AAK1: variants seen among roughly 807,000 people sequenced by gnomAD.
The protein encoded by AAK1 is AP2 associated kinase 1.
Under a neutral mutation model 116.0 loss-of-function variants are expected in AAK1, and 37 were observed. The ratio of observed to expected loss-of-function variants is 0.32; its 90% CI spans 0.25 to 0.42. The LOEUF is 0.42. Ranked by LOEUF, AAK1 falls within the 10% of genes least tolerant of loss-of-function variation. AAK1 has a pLI of 1.00. For synonymous variants in AAK1, 458 were observed against 439.9 expected, an observed-to-expected ratio of 1.04 and a Z score of -0.51; for missense variants, 919 against 1,170.6, an observed-to-expected ratio of 0.79 and a Z score of 3.14.
chr2:69,482,566 T>C (rs1266824666), intron 18 of AAK1, 145 bp downstream of exon 18: 1 of 754,036 alleles, frequency 1.3e-6, no homozygotes, highest in Non-Finnish European at 2.4e-6. Context: ...AACACTTCAT[T>C]TGGAGTGATA....
chr2:69,549,670 A>T (rs1280420657), intron 3 of AAK1, among the ~76,000 whole-genome samples: 4 of 152,242 alleles, frequency 2.6e-5, no homozygotes, highest in Non-Finnish European at 4.4e-5. Flanking sequence ...TGGCACCCAC[A>T]TCATACTATA....
chr2:69,558,496 C>T (rs151016258), intron 2 of AAK1, among the ~76,000 whole-genome samples: 188 of 152,282 alleles, frequency 1.2e-3, no homozygotes, highest in East Asian at 2.9e-3. Flanking sequence ...AGGAGTTAGA[C>T]AAAGTGAGGC....
chr2:69,599,804 G>T (rs1673479221), intron 2 of AAK1, among the ~76,000 whole-genome samples: 2 of 152,074 alleles, frequency 1.3e-5, no homozygotes, highest in Non-Finnish European at 2.9e-5. Context: ...TTGAAACGGG[G>T]TCTCACTCTG....
chr2:69,474,738 C>T lies in AAK1; in HGVS notation c.*1131G>A. The T allele has an allele frequency of 2.0e-6, 2 of 985,654 alleles. No individual in the cohort carries two copies. Among genetic ancestry groups the T allele is most frequent in the Non-Finnish European group, 1.2e-6 (1 of 829,896 alleles). 61.1% of individuals were successfully genotyped at this position (985,654 alleles called of 1,614,324 possible). On this transcript the variant is annotated 3_prime_UTR_variant, in exon 22 of 22. Coordinates refer to ENST00000409085, the MANE Select transcript of AAK1 (RefSeq NM_014911.5). ...GAGGACCTGCTGAAAGCTTATAGCACACAAGTCTATTCAAAATGATTCCAT... is the reference window on the plus strand; with the variant it reads ...GAGGACCTGCTGAAAGCTTATAGCATACAAGTCTATTCAAAATGATTCCAT...
At chr2:69,517,757 G>A (rs112910432) in intron 12 of AAK1, among the ~76,000 whole-genome samples, 12 of 108,178 alleles carry the variant, frequency 1.1e-4, no homozygotes, top group African/African-American at 3.6e-4. Context: ...CAGTTTCTCC[G>A]AAAAATTAAA....
intron 10 of AAK1, among the ~76,000 whole-genome samples, chr2:69,523,257 C>CT (rs1669868174): frequency 1.3e-5 from 2 of 152,160 alleles, no homozygotes; most frequent in Admixed American, 1.3e-4. Context: ...GCACAAAGGA[C>CT]TAAGCTACTT....
At chr2:69,479,098 G>T in intron 19 of AAK1, 37 bp from the exon 20 acceptor site, 4 of 1,317,084 alleles carry the variant, frequency 3.0e-6, no homozygotes, top group South Asian at 1.2e-5. Context: ...GTCAGTGATG[G>T]CATTAAGTGG....
chr2:69,523,610 G>A (rs1669884858), intron 10 of AAK1, among the ~76,000 whole-genome samples: 1 of 152,224 alleles, frequency 6.6e-6, no homozygotes, highest in African/African-American at 2.4e-5. Flanking sequence ...GCTACCTCTA[G>A]AATCTGCCAT....
chr2:69,605,110 G>A (rs1673743014), intron 2 of AAK1, among the ~76,000 whole-genome samples: 1 of 152,110 alleles, frequency 6.6e-6, no homozygotes, highest in African/African-American at 2.4e-5. Context: ...ACTCTTCCCT[G>A]GAGTCAGCCC....
intron 20 of AAK1, 62 bp from the exon 21 acceptor site, chr2:69,477,052 A>G (rs1486313139): frequency 8.9e-7 from 1 of 1,119,078 alleles, no homozygotes. Flanking sequence ...CAAATGAGAG[A>G]ATGTGAAAGA....
intron 16 of AAK1, among the ~76,000 whole-genome samples, chr2:69,503,982 A>G (rs544210604): frequency 3.5e-4 from 52 of 147,890 alleles, no homozygotes; most frequent in African/African-American, 1.3e-3. Context: ...CCCGGCAACA[A>G]GAGCGAAATT....
intron 16 of AAK1, among the ~76,000 whole-genome samples, chr2:69,502,997 G>A (rs192316237): frequency 6.6e-6 from 1 of 152,234 alleles, no homozygotes; most frequent in Non-Finnish European, 1.5e-5. Flanking sequence ...TTATTGACGT[G>A]GAAACTGCTA....
Position 69,507,555 on chromosome 2 carries a change from C to G in AAK1, c.2030G>C (p.Gly677Ala), listed in dbSNP as rs1208105303. 6.2e-7 allele frequency: 1 copy of G among 1,611,318 alleles called. No individual in the cohort carries two copies. Among genetic ancestry groups the G allele is most frequent in the Non-Finnish European group, 8.5e-7 (1 of 1,178,742 alleles). Residue 677 changes from glycine (G) to alanine (A), a missense_variant, in exon 15 of 22, where the codon GGC becomes GCC. Gly to Ala is a moderately conservative substitution (Grantham distance 60). This residue lies in a region of AAK1 where 125 missense variants were observed against 184.1 expected (regional missense o/e 0.68). Transcript: ENST00000409085. ...KSKSATTTPSGSPRTSQQNVY... is the reference protein window; with the variant it reads ...KSKSATTTPSASPRTSQQNVY... ...GTTTTGTTGAGAGGTCCGAGGAGAG[C>G]CTGATGGAGTGGTGGTTGCAGACCT...
At chr2:69,587,656 G>A (rs1672849787) in intron 2 of AAK1, among the ~76,000 whole-genome samples, 1 of 151,770 alleles carries the variant, frequency 6.6e-6, no homozygotes, top group Non-Finnish European at 1.5e-5. Flanking sequence ...AGTAGAGACT[G>A]GGTTTCGCCA....
intron 2 of AAK1, chr2:69,598,186 C>G (rs1395264127): frequency 4.8e-6 from 4 of 826,672 alleles, no homozygotes; most frequent in East Asian, 6.1e-5. Context: ...TGAATACAGA[C>G]ACTGATGTTT....
At chr2:69,493,609 G>A (rs1675627266) in intron 17 of AAK1, among the ~76,000 whole-genome samples, 1 of 152,166 alleles carries the variant, frequency 6.6e-6, no homozygotes, top group Non-Finnish European at 1.5e-5. Flanking sequence ...CAGTGTCGTT[G>A]GCACAGCTGA....
At chr2:69,558,207 G>A (rs2105088195) in intron 2 of AAK1, among the ~76,000 whole-genome samples, 1 of 152,190 alleles carries the variant, frequency 6.6e-6, no homozygotes, top group East Asian at 1.9e-4. Context: ...GCGAGGCATG[G>A]TGGGCGCACA....
intron 2 of AAK1, among the ~76,000 whole-genome samples, chr2:69,634,454 C>T (rs952440968): frequency 6.6e-6 from 1 of 152,234 alleles, no homozygotes; most frequent in Non-Finnish European, 1.5e-5. Flanking sequence ...ATAAGAGCAG[C>T]TTGTCCTGCC....
Position 69,465,789 on chromosome 2 carries a change from G to T in AAK1, c.*10080C>A. 7.7e-7 allele frequency: 1 copy of T among 1,290,886 alleles called. No individual in the cohort carries two copies. 80.0% of individuals were successfully genotyped at this position (1,290,886 alleles called of 1,614,324 possible). ...GTCCAGATGGTCTGCTGCTTGTACA[G>T]AATGGGACAGGAGGTTAGACTGTTG... On this transcript the variant is annotated 3_prime_UTR_variant, in exon 22 of 22. Coordinates refer to ENST00000409085, the MANE Select transcript of AAK1 (RefSeq NM_014911.5).
Sources: allele counts gnomAD v4.1 joint callset (sites outside exome capture counted in the v4.1 genomes callset), GRCh38; gene constraint gnomAD v4.1.1; regional missense constraint gnomAD v4.1.1; transcripts MANE v1.5; gene names NCBI Gene and HGNC (gene_info 2026-07-23, HGNC 2026-07-21).